Variants in SETBP1 observed in about 807,000 individuals in gnomAD.
SETBP1 encodes the protein SET binding protein 1, also known as SET-binding protein.
Under a neutral mutation model 101.0 loss-of-function variants are expected in SETBP1, and 9 were observed. The observed-to-expected ratio is 0.09, with a 90% confidence interval of 0.05 to 0.16. The LOEUF (loss-of-function observed/expected upper bound fraction) is 0.16. SETBP1 is among the 10% of genes least tolerant of loss of function. The pLI is 1.00. For synonymous variants in SETBP1, 818 were observed against 788.5 expected (o/e 1.04, Z -0.63); for missense variants, 1,858 against 2,033.8 (o/e 0.91, Z 1.66).
chr18:44,917,361 T>C (rs2070454010), intron 3 of SETBP1, among the ~76,000 whole-genome samples: 1 of 152,208 alleles, frequency 6.6e-6, no homozygotes, highest in Non-Finnish European at 1.5e-5. Flanking sequence ...GGCAGTTTGG[T>C]GCAGGATATT....
chr18:44,853,042 G>A (rs529115651), intron 2 of SETBP1, among the ~76,000 whole-genome samples: 1 of 152,174 alleles, frequency 6.6e-6, no homozygotes, highest in Non-Finnish European at 1.5e-5. Flanking sequence ...TGACCTTGGG[G>A]CATTTAATGT....
At position 44,716,857 on chromosome 18, in the gene SETBP1, T is replaced by C. The variant is rs185156460; in HGVS notation, c.486+15025T>C. Among the ~76,000 whole-genome samples, 6 of 152,276 alleles carry C rather than the reference T, an allele frequency of 3.9e-5. No homozygotes were observed. The East Asian group carries it at 1.2e-3, about 29-fold the overall frequency. On this transcript the variant is annotated intron_variant, in intron 2 of 5. Transcript: ENST00000649279. ...GGATTATGGCATTAGCCACCGCCCT[T>C]ATCCAGGTGAGTCATTCTTTTGTGG...
intron 3 of SETBP1, chr18:44,876,901 G>A (rs1291232865): frequency 1.5e-6 from 2 of 1,369,088 alleles, no homozygotes; most frequent in Non-Finnish European, 1.9e-6. Context: ...ATTCTCTCTG[G>A]GTCTAAAAGA....
chr18:45,045,787 G>A (rs1426779670), intron 5 of SETBP1, among the ~76,000 whole-genome samples: 1 of 152,078 alleles, frequency 6.6e-6, no homozygotes, highest in Admixed American at 6.5e-5. Context: ...ATAATCCTTG[G>A]GAAAAGTTTA....
At chr18:44,963,298 T>C (rs1567995774) in intron 4 of SETBP1, among the ~76,000 whole-genome samples, 1 of 152,180 alleles carries the variant, frequency 6.6e-6, no homozygotes, top group South Asian at 2.1e-4. Context: ...ATTTAGTCTT[T>C]GCTAAAAATA....
At chr18:44,993,704 T>C (rs139305127) in intron 4 of SETBP1, among the ~76,000 whole-genome samples, 3 of 152,196 alleles carry the variant, frequency 2.0e-5, no homozygotes, top group African/African-American at 7.2e-5. Context: ...CTATAGATTT[T>C]AATGAAATTC....
rs565810452 is a variant in SETBP1, at chr18:44,998,649, T to G, written c.4001-39836T>G. Among the ~76,000 whole-genome samples, 5 of 152,302 alleles carry G rather than the reference T, an allele frequency of 3.3e-5. No homozygotes were observed. In the East Asian group the frequency reaches 9.6e-4, roughly 29 times the overall value. ...CAGTAGAAATATGCTCACCCACCAATGTGTCTTCTGCCCTCCTGTCTGTGC... is the reference window on the plus strand; with the variant it reads ...CAGTAGAAATATGCTCACCCACCAAGGTGTCTTCTGCCCTCCTGTCTGTGC... On this transcript the variant is annotated intron_variant, in intron 4 of 5. Transcript: ENST00000649279.
chr18:44,772,642 T>C (rs967873379), intron 2 of SETBP1, among the ~76,000 whole-genome samples: 1 of 152,230 alleles, frequency 6.6e-6, no homozygotes, highest in Non-Finnish European at 1.5e-5. Flanking sequence ...TGTGCCGTGC[T>C]TAAGCTTTGA....
chr18:44,839,149 C>A (rs2072559898), intron 2 of SETBP1, among the ~76,000 whole-genome samples: 2 of 152,062 alleles, frequency 1.3e-5, no homozygotes, highest in South Asian at 4.2e-4. Flanking sequence ...AGATGAGAGA[C>A]CTGGGAAGCA....
chr18:44,708,585 A>T (rs1208755307), intron 2 of SETBP1, among the ~76,000 whole-genome samples: 1 of 152,182 alleles, frequency 6.6e-6, no homozygotes, highest in Admixed American at 6.5e-5. Context: ...GCAGGGCAGC[A>T]GGGAGCATTG....
intron 3 of SETBP1, among the ~76,000 whole-genome samples, chr18:44,910,510 C>T (rs1287437190): frequency 1.3e-5 from 2 of 152,118 alleles, no homozygotes; most frequent in East Asian, 3.9e-4. Context: ...ATTGAAACTG[C>T]TCCATGTTTA....
chr18:44,846,695 G>T (rs1464864145), intron 2 of SETBP1, among the ~76,000 whole-genome samples: 3 of 152,210 alleles, frequency 2.0e-5, no homozygotes, highest in Non-Finnish European at 2.9e-5. Flanking sequence ...AGTGTTTGTT[G>T]AATGACCAAG....
chr18:44,705,972 G>A (rs2069208046), intron 2 of SETBP1, among the ~76,000 whole-genome samples: 1 of 152,130 alleles, frequency 6.6e-6, no homozygotes, highest in South Asian at 2.1e-4. Context: ...ATAAAACTAG[G>A]ATAGGAATTG....
At chr18:44,725,948 G>A (rs9948198) in intron 2 of SETBP1, among the ~76,000 whole-genome samples, 6 of 152,132 alleles carry the variant, frequency 3.9e-5, no homozygotes, top group Non-Finnish European at 8.8e-5. Flanking sequence ...GGCCAGGGGT[G>A]GGGAGGGAGG....
intron 3 of SETBP1, among the ~76,000 whole-genome samples, chr18:44,915,763 C>T (rs2070411530): frequency 1.3e-5 from 2 of 152,172 alleles, no homozygotes; most frequent in Admixed American, 1.3e-4. Flanking sequence ...GTGCCCTAGG[C>T]AAAGTATTCC....
At chr18:44,883,255 A>G (rs1354936836) in intron 3 of SETBP1, among the ~76,000 whole-genome samples, 2 of 152,232 alleles carry the variant, frequency 1.3e-5, no homozygotes, top group African/African-American at 4.8e-5. Flanking sequence ...GATGCAATTT[A>G]TCAAAAGCAA....
intron 2 of SETBP1, among the ~76,000 whole-genome samples, chr18:44,861,559 C>A (rs2069013193): frequency 6.6e-6 from 1 of 151,960 alleles, no homozygotes; most frequent in Non-Finnish European, 1.5e-5. Context: ...TGATAGAGCT[C>A]CCAACAGTAT....
intron 3 of SETBP1, among the ~76,000 whole-genome samples, chr18:44,929,532 G>A (rs1240774365): frequency 1.3e-5 from 2 of 152,092 alleles, no homozygotes; most frequent in African/African-American, 4.8e-5. Context: ...GGGCAATATG[G>A]CCATTCTCAC....
Position 44,951,591 on chromosome 18 carries a change from C to G in SETBP1, c.2251C>G (p.Pro751Ala). Residue 751 changes from proline (P) to alanine (A), a missense_variant, in exon 4 of 6, where the codon CCT (proline) becomes GCT (alanine). Coordinates refer to ENST00000649279, the MANE Select transcript of SETBP1 (RefSeq NM_015559.3). This position sits in a 1 kb window ranked among gnomAD's most constrained non-coding sequence, Gnocchi z 7.8. ...EPKTAIKHPR[P>A]VSSQPDVPAV... ...CAAAACAGCCATCAAGCACCCCAGG[C>G]CTGTTTCTAGCCAGCCGGATGTTCC... The G allele has an allele frequency of 1.2e-6, 2 of 1,614,188 alleles. No individual in the cohort carries two copies. Among genetic ancestry groups the G allele is most frequent in the Non-Finnish European group, 8.5e-7 (1 of 1,180,038 alleles).
Sources: gnomAD v4.1 joint callset for allele counts (sites outside exome capture counted in the v4.1 genomes callset) on GRCh38, gnomAD v4.1.1 for gene constraint, Gnocchi (gnomAD v3.1) non-coding constraint, MANE v1.5 for transcripts, NCBI Gene and HGNC (gene_info 2026-07-23, HGNC 2026-07-21) for gene names.